Variants in DDX21 observed in about 807,000 individuals in gnomAD.
The protein encoded by DDX21 is nucleolar RNA helicase 2.
A neutral mutation model predicts 90.0 loss-of-function variants in DDX21; 18 were observed. The ratio of observed to expected loss-of-function variants is 0.20; its 90% CI spans 0.14 to 0.30. The LOEUF (loss-of-function observed/expected upper bound fraction) is 0.30. DDX21 is among the 10% of genes least tolerant of loss of function. The pLI is 1.00. For missense variants in DDX21, 673 were observed against 944.5 expected, an observed-to-expected ratio of 0.71 and a Z score of 3.77; for synonymous variants, 294 against 318.0, an observed-to-expected ratio of 0.92 and a Z score of 0.80.
intron 1 of DDX21, chr10:68,956,518 C>A (rs774156390): frequency 1.5e-5 from 22 of 1,421,792 alleles, no homozygotes; most frequent in Non-Finnish European, 2.0e-5. Flanking sequence ...GAGCCAGGTC[C>A]GCCGTGCGCT....
At chr10:68,980,164 C>A (rs1219401922) in intron 13 of DDX21, among the ~76,000 whole-genome samples, 1 of 152,074 alleles carries the variant, frequency 6.6e-6, no homozygotes, top group African/African-American at 2.4e-5. Flanking sequence ...CACTTGAACC[C>A]GGGTGGCAGA....
chr10:68,956,583 C>T (rs193010366), intron 1 of DDX21: 1 of 1,278,748 alleles, frequency 7.8e-7, no homozygotes, highest in Non-Finnish European at 1.0e-6. Context: ...GGTAGAGAGG[C>T]CCTGTTGGAG....
chr10:68,965,319 C>G lies in DDX21; in HGVS notation c.787-58C>G, dbSNP rs144339310. On this transcript the variant is annotated intron_variant, in intron 4 of 14. Coordinates refer to ENST00000354185, the MANE Select transcript of DDX21 (RefSeq NM_004728.4). ...TTCCTGGAATGCTGTTCTTTAAGGA[C>G]TAGATTAAGAAACAAATACTACACA... is the stretch of plus-strand genomic sequence containing the variant. The G allele has an allele frequency of 1.0e-4, 136 of 1,361,314 alleles. No individual in the cohort carries two copies. The African/African-American group carries it at 1.7e-3, about 17-fold the overall frequency. 84.3% of individuals were successfully genotyped at this position (1,361,314 alleles called of 1,614,324 possible). A position where few individuals can be genotyped will look rare whatever the true frequency, so the allele number is the denominator to read the frequency against.
intron 1 of DDX21, among the ~76,000 whole-genome samples, chr10:68,958,199 C>T (rs1398751256): frequency 6.6e-6 from 1 of 152,050 alleles, no homozygotes; most frequent in Non-Finnish European, 1.5e-5. Flanking sequence ...GTTTCAAACT[C>T]CCAGCCTCAG....
chr10:68,964,999 C>T (rs1265073838), intron 4 of DDX21, among the ~76,000 whole-genome samples: 2 of 152,070 alleles, frequency 1.3e-5, no homozygotes, highest in African/African-American at 4.8e-5. Flanking sequence ...GGATTCAAAG[C>T]CCCTTACATT....
intron 9 of DDX21, among the ~76,000 whole-genome samples, chr10:68,972,946 C>T (rs1029297567): frequency 6.6e-6 from 1 of 152,066 alleles, no homozygotes; most frequent in Non-Finnish European, 1.5e-5. Context: ...GCACCTTGGG[C>T]GGCTGAGGCA....
At position 68,959,854 on chromosome 10, in the gene DDX21, G is replaced by A. The variant is rs1489677874; in HGVS notation, c.136G>A (p.Glu46Lys). 6.3e-7 allele frequency: 1 copy of A among 1,579,746 alleles called. No individual in the cohort carries two copies. The highest frequency in any genetic ancestry group is 8.5e-7 in the Non-Finnish European group (1 of 1,172,376). ...PKSDKTEEIAEEEETVFPKAK... is the reference protein window; with the variant it reads ...PKSDKTEEIAKEEETVFPKAK... ...ATCTGATAAGACTGAAGAGATAGCA[G>A]AAGAGGAAGAAACTGTTTTCCCCAA... The change falls in exon 2 of 15, where the codon GAA (glutamate) becomes AAA (lysine). Residue 46 changes from glutamate (E) to lysine (K), a missense_variant. Glu to Lys is a moderately conservative substitution (Grantham distance 56, BLOSUM62 1). This residue lies in a region of DDX21 where 204 missense variants were observed against 221.6 expected (regional missense o/e 0.92). Transcript: ENST00000354185.
chr10:68,959,585 G>C (rs182869635), intron 1 of DDX21, among the ~76,000 whole-genome samples: 7 of 152,220 alleles, frequency 4.6e-5, no homozygotes, highest in African/African-American at 1.4e-4. Context: ...TGAAACTATT[G>C]ATATATACCC....
intron 1 of DDX21, chr10:68,956,736 ACGT>A (rs1285874320): frequency 9.8e-7 from 1 of 1,022,698 alleles, no homozygotes; most frequent in South Asian, 3.5e-5. Context: ...AGGAAGTTAC[ACGT>A]CAAGTCAAAG....
At position 68,962,089 on chromosome 10, in the gene DDX21, C is replaced by T; in HGVS notation, c.539C>T (p.Pro180Leu). 6.2e-7 allele frequency: 1 copy of T among 1,611,166 alleles called. No homozygotes were observed. The highest frequency in any genetic ancestry group is 1.1e-5 in the South Asian group (1 of 90,784). The change falls in exon 3 of 15, where the codon CCT (proline) becomes CTT (leucine). Residue 180 changes from proline to leucine, a missense_variant. Coordinates refer to ENST00000354185, the MANE Select transcript of DDX21 (RefSeq NM_004728.4). ...ESNSEIEQEI[P>L]VEQKEGAFSN... ...TGGCCCTTTACTTGATAGGAAATACCTGTGGAACAAAAAGAAGGCGCTTTC... is the reference window on the plus strand; with the variant it reads ...TGGCCCTTTACTTGATAGGAAATACTTGTGGAACAAAAAGAAGGCGCTTTC...
At chr10:68,958,137 G>T (rs1842825299) in intron 1 of DDX21, among the ~76,000 whole-genome samples, 1 of 151,816 alleles carries the variant, frequency 6.6e-6, no homozygotes, top group African/African-American at 2.4e-5. Context: ...TATTTTTTGA[G>T]ATGGAGTTTT....
chr10:68,975,769 C>A (rs1049924356), intron 11 of DDX21, among the ~76,000 whole-genome samples: 1 of 152,034 alleles, frequency 6.6e-6, no homozygotes, highest in African/African-American at 2.4e-5. Flanking sequence ...AAAAATTAGG[C>A]CGGGTGCGGT....
intron 9 of DDX21, among the ~76,000 whole-genome samples, chr10:68,972,540 G>A (rs563622942): frequency 1.1e-4 from 16 of 152,250 alleles, no homozygotes; most frequent in South Asian, 8.3e-4. Flanking sequence ...CTTCCAACAT[G>A]AGGACCCCAA....
chr10:68,966,603 T>A (rs1406258850), intron 5 of DDX21, among the ~76,000 whole-genome samples: 3 of 151,948 alleles, frequency 2.0e-5, no homozygotes, highest in African/African-American at 7.2e-5. Context: ...CCACTGCGCC[T>A]GGTTAATTTT....
At chr10:68,963,490 G>A in intron 4 of DDX21, 21 bp downstream of exon 4, 1 of 1,590,742 alleles carries the variant, frequency 6.3e-7, no homozygotes, top group East Asian at 2.2e-5. Flanking sequence ...TAAATACAAG[G>A]GCTCTCAGTC....
rs769290517 is a variant in DDX21, at chr10:68,956,218, C to T, written c.-8C>T. ...AAGACCGGTCGGCCTGGGCAACCTG[C>T]GCTGAAGATGCCGGGAAAACTCCGT... is the stretch of plus-strand genomic sequence containing the variant. On this transcript the variant is annotated 5_prime_UTR_variant, in exon 1 of 15. Coordinates refer to ENST00000354185, the MANE Select transcript of DDX21 (RefSeq NM_004728.4). 1.3e-5 allele frequency: 21 copies of T among 1,613,768 alleles called. No individual in the cohort carries two copies. Among genetic ancestry groups the T allele is most frequent in the Non-Finnish European group, 1.8e-5 (21 of 1,179,838 alleles).
chr10:68,962,356 C>T (rs1417943), intron 3 of DDX21, among the ~76,000 whole-genome samples, 199 bp downstream of exon 3: 141,226 of 152,050 alleles, frequency 0.93, 65,609 homozygotes, highest in East Asian at 0.99. Flanking sequence ...GTGGTTAAAG[C>T]TTTTTCAGGC....
chr10:68,961,886 T>C (rs1842876358), intron 2 of DDX21, among the ~76,000 whole-genome samples, 196 bp from the exon 3 acceptor site: 1 of 152,254 alleles, frequency 6.6e-6, no homozygotes, highest in African/African-American at 2.4e-5. Context: ...GTTAAAGTTT[T>C]ATAGATTTAT....
At position 68,963,485 on chromosome 10, in the gene DDX21, A is replaced by G; in HGVS notation, c.786+16A>G. 6.3e-7 allele frequency: 1 copy of G among 1,595,480 alleles called. No homozygotes were observed. The highest frequency in any genetic ancestry group is 1.1e-5 in the South Asian group (1 of 88,350). ...TGCCCCTCAGGTAACTGTCTTAAAT[A>G]CAAGGGCTCTCAGTCAGCATAGGAA... is the stretch of plus-strand genomic sequence containing the variant. On this transcript the variant is annotated intron_variant, in intron 4 of 14. Transcript: ENST00000354185.
Sources: allele counts gnomAD v4.1 joint callset (sites outside exome capture counted in the v4.1 genomes callset), GRCh38; gene constraint gnomAD v4.1.1; regional missense constraint gnomAD v4.1.1; transcripts MANE v1.5; gene names NCBI Gene and HGNC (gene_info 2026-07-23, HGNC 2026-07-21).